Variants in CREBBP observed in about 807,000 individuals in gnomAD.
The protein encoded by CREBBP is CREB-binding protein.
In CREBBP, 19 loss-of-function variants were observed where a neutral mutation model predicts 265.0. The observed-to-expected ratio is 0.07, with a 90% CI of 0.05 to 0.11. The LOEUF is 0.11. Among genes scored for constraint, CREBBP ranks in the 10% least tolerant of loss-of-function variants. The probability of loss-of-function intolerance (pLI) is 1.00; values close to 1 mark genes in which losing one functional copy is unlikely to be tolerated. For missense variants in CREBBP, 2,525 were observed against 3,219.0 expected, an observed-to-expected ratio of 0.78 and a Z score of 5.22; for synonymous variants, 1,457 against 1,223.7, an observed-to-expected ratio of 1.19 and a Z score of -3.98.
rs182866416 is a variant in CREBBP at position 3,868,379 on chromosome 16, G to A, written c.85+11453C>T. ...GGGCCCTTTTCCTGCCAAAAACGGG[G>A]CTCAGGAGGGGAAAGCATTGTCTAC... On this transcript the variant is annotated intron_variant, in intron 1 of 30. Transcript: ENST00000262367. Among the ~76,000 whole-genome samples, 6 of 137,720 alleles carry A rather than the reference G, an allele frequency of 4.4e-5. 1 individual carries two copies. In the East Asian group the frequency reaches 1.7e-3, roughly 40 times the overall value. The allele number at this position is 137,720 out of a possible 152,430, so 90.3% of individuals were successfully genotyped here. A position where few individuals can be genotyped will look rare whatever the true frequency, so the allele number is the denominator to read the frequency against.
intron 28 of CREBBP, among the ~76,000 whole-genome samples, chr16:3,733,823 G>A (rs887007362): frequency 6.6e-6 from 1 of 151,988 alleles, no homozygotes; most frequent in African/African-American, 2.4e-5. Context: ...TGTATTTTTA[G>A]TAGAGACGGG....
chr16:3,753,303 G>A (rs2052516418), intron 19 of CREBBP, among the ~76,000 whole-genome samples: 2 of 152,180 alleles, frequency 1.3e-5, no homozygotes, highest in African/African-American at 4.8e-5. Flanking sequence ...TCAATACATT[G>A]AGCATTTTGT....
At chr16:3,745,415 T>C (rs1004118200) in intron 21 of CREBBP, 61 bp from the exon 22 acceptor site, 15 of 1,503,540 alleles carry the variant, frequency 1.0e-5, no homozygotes, top group South Asian at 1.2e-5. Context: ...GAGTCACTTG[T>C]AGAAGTCTGT....
intron 3 of CREBBP, among the ~76,000 whole-genome samples, chr16:3,794,313 C>G (rs2053563935): frequency 9.5e-6 from 1 of 104,778 alleles, no homozygotes; most frequent in African/African-American, 3.7e-5. Context: ...GCCTGGGCGA[C>G]AGATCGAGAC....
Position 3,744,946 on chromosome 16 carries a change from G to C in CREBBP, c.3930C>G (p.Asn1310Lys), listed in dbSNP as rs372799049. 6.2e-7 allele frequency: 1 copy of C among 1,613,824 alleles called. No individual in the cohort carries two copies. The highest frequency in any genetic ancestry group is 2.2e-5 in the East Asian group (1 of 44,884). The change falls in exon 23 of 31, where the codon AAC (asparagine) becomes AAG (lysine). Residue 1310 changes from asparagine (N) to lysine (K), a missense_variant. Coordinates refer to ENST00000262367, the MANE Select transcript of CREBBP (RefSeq NM_004380.3). ...GAGGTCTGCCAGTTTTCTTCAAGCA[G>C]TTGTCGCACACAAAACTGCAAAATA... ...IIWPSGFVCD[N>K]CLKKTGRPRK...
chr16:3,877,703 C>A (rs139628595), intron 1 of CREBBP, among the ~76,000 whole-genome samples: 93 of 152,396 alleles, frequency 6.1e-4, no homozygotes, highest in African/African-American at 2.2e-3. Context: ...TGGCGCCCAG[C>A]AGCCCCTTGT....
chr16:3,793,356 AC>A (rs1202118002), intron 4 of CREBBP, 29 bp downstream of exon 4: 7 of 1,613,468 alleles, frequency 4.3e-6, no homozygotes, highest in Non-Finnish European at 1.7e-6. Flanking sequence ...CCTGACCTCT[AC>A]CACTAGGAGT....
At chr16:3,749,039 C>G (rs535341656) in intron 21 of CREBBP, among the ~76,000 whole-genome samples, 1 of 151,988 alleles carries the variant, frequency 6.6e-6, no homozygotes, top group Admixed American at 6.6e-5. Flanking sequence ...CCCAGCTACT[C>G]GGGAGGCTGA....
Position 3,757,277 on chromosome 16 carries a change from T to C in CREBBP, c.3698+11A>G, listed in dbSNP as rs1389099859. 1.2e-6 allele frequency: 2 copies of C among 1,604,414 alleles called. No individual in the cohort carries two copies. Among genetic ancestry groups the C allele is most frequent in the East Asian group, 2.2e-5 (1 of 44,812 alleles). The stretch of plus-strand genomic sequence containing the variant: ...CCTAAGACATAATGCAGGATGCTGC[T>C]TGACGCTTACCTATTCTGATAGCTG... On this transcript the variant is annotated intron_variant, in intron 19 of 30. Transcript: ENST00000262367.
Position 3,757,860 on chromosome 16 carries a change from C to A in CREBBP, c.3558G>T (p.Glu1186Asp). Residue 1186 changes from glutamate to aspartate, a missense_variant, in exon 18 of 31, where the codon GAG becomes GAT. Coordinates refer to ENST00000262367, the MANE Select transcript of CREBBP (RefSeq NM_004380.3). ...KFCSKLAEVFEQEIDPVMQSL... is the reference protein window; with the variant it reads ...KFCSKLAEVFDQEIDPVMQSL... ...ACTGCATGACAGGGTCAATTTCCTGCTCAAAGACCTCTGCAAGCTTACTGC... is the reference window on the plus strand; with the variant it reads ...ACTGCATGACAGGGTCAATTTCCTGATCAAAGACCTCTGCAAGCTTACTGC... The A allele has an allele frequency of 6.2e-7, 1 of 1,614,162 alleles. No homozygotes were observed.
chr16:3,761,446 G>C, intron 16 of CREBBP: 1 of 484,484 alleles, frequency 2.1e-6, no homozygotes, highest in Non-Finnish European at 4.1e-6. Flanking sequence ...TTCCTAACTG[G>C]TGAAAGCAAA....
At chr16:3,839,763 AAAGGGAAGG>A (rs1385209357) in intron 2 of CREBBP, among the ~76,000 whole-genome samples, 3 of 145,946 alleles carry the variant, frequency 2.1e-5, no homozygotes, top group Admixed American at 6.9e-5. Flanking sequence ...GGAAGGGAGG[AAAGGGAAGG>A]AAGGGAAGGA....
chr16:3,824,499 T>C (rs1055162476), intron 2 of CREBBP, among the ~76,000 whole-genome samples: 2 of 152,206 alleles, frequency 1.3e-5, no homozygotes, highest in African/African-American at 4.8e-5. Context: ...TTCATACTGA[T>C]GGTTAGTCAC....
chr16:3,776,135 C>G (rs2053132896), intron 11 of CREBBP, among the ~76,000 whole-genome samples: 1 of 152,108 alleles, frequency 6.6e-6, no homozygotes, highest in Non-Finnish European at 1.5e-5. Context: ...CTAGGCTGGT[C>G]TCAAACTCCT....
intron 13 of CREBBP, among the ~76,000 whole-genome samples, chr16:3,772,328 A>AAC (rs34060381): frequency 0.1 from 14,473 of 145,270 alleles, 829 homozygotes; most frequent in East Asian, 0.25. Context: ...CTGAAACACA[A>AAC]ACACACACAC....
At chr16:3,799,131 G>C (rs1377514302) in intron 3 of CREBBP, among the ~76,000 whole-genome samples, 1 of 152,186 alleles carries the variant, frequency 6.6e-6, no homozygotes, top group Admixed American at 6.5e-5. Flanking sequence ...TACATCCATG[G>C]GGGTAGAAAG....
At chr16:3,737,716 G>C (rs1428115355) in intron 26 of CREBBP, among the ~76,000 whole-genome samples, 1 of 151,488 alleles carries the variant, frequency 6.6e-6, no homozygotes, top group East Asian at 1.9e-4. Context: ...CACCTGCCTT[G>C]GCCTCCCAAA....
rs377696243 is a variant in CREBBP, at chr16:3,774,540, T to C, written c.2283+29A>G. The C allele has an allele frequency of 5.6e-6, 9 of 1,613,620 alleles. No individual in the cohort carries two copies. The African/African-American group carries it at 9.3e-5, about 17-fold the overall frequency. On this transcript the variant is annotated intron_variant, in intron 12 of 30. Transcript: ENST00000262367. ...ATGTTCCATGTGAGAGGGAGGGCTA[T>C]CTGCAGCACAGCGAAAGAGAACACT...
At chr16:3,801,588 T>C (rs1247912978) in intron 3 of CREBBP, among the ~76,000 whole-genome samples, 1 of 152,096 alleles carries the variant, frequency 6.6e-6, no homozygotes, top group Non-Finnish European at 1.5e-5. Context: ...AAGAATCGCT[T>C]GAACCCAGGA....
Sources: gnomAD v4.1 joint callset for allele counts (sites outside exome capture counted in the v4.1 genomes callset) on GRCh38, gnomAD v4.1.1 for gene constraint, MANE v1.5 for transcripts, NCBI Gene and HGNC (gene_info 2026-07-23, HGNC 2026-07-21) for gene names.